OLAH: variants seen among roughly 807,000 people sequenced by gnomAD.
OLAH encodes oleoyl-ACP hydrolase.
A neutral mutation model predicts 27.8 loss-of-function variants in OLAH; 33 were observed. The observed-to-expected ratio is 1.19, with a 90% CI of 0.90 to 1.59. The LOEUF is 1.59. Ranked by LOEUF, OLAH falls within the 40% of genes most tolerant of loss-of-function variation. The pLI is 0.00. For missense variants in OLAH, 359 were observed against 310.8 expected (o/e 1.16, Z -1.17); for synonymous variants, 120 against 102.9 (o/e 1.17, Z -1.01).
At chr10:15,059,824 A>G (rs1844327502) in intron 3 of OLAH, among the ~76,000 whole-genome samples, 1 of 152,110 alleles carries the variant, frequency 6.6e-6, no homozygotes, top group South Asian at 2.1e-4. Context: ...AAATAAATAA[A>G]TAAGAAATGT....
At chr10:15,036,644 T>C (rs1843844794) in intron 1 of OLAH, among the ~76,000 whole-genome samples, 1 of 152,092 alleles carries the variant, frequency 6.6e-6, no homozygotes, top group Non-Finnish European at 1.5e-5. Flanking sequence ...TGCATACCAC[T>C]GTGCCTAATT....
intron 3 of OLAH, among the ~76,000 whole-genome samples, chr10:15,061,480 G>C (rs1392027054): frequency 7.0e-6 from 1 of 143,774 alleles, no homozygotes; most frequent in Non-Finnish European, 1.5e-5. Context: ...CAGTTCCTTT[G>C]TTTTTTTTTT....
At position 15,061,707 on chromosome 10, in the gene OLAH, T is replaced by A. The variant is rs755745032; in HGVS notation, c.164-17T>A. On this transcript the variant is annotated splice_polypyrimidine_tract_variant and intron_variant, in intron 3 of 7. Transcript: ENST00000378228. ...TTCACTGTCTGTGCGTGTTCACTTGTGTTTCTCCATCTCCAGTGCACTCCT... is the reference window on the plus strand; with the variant it reads ...TTCACTGTCTGTGCGTGTTCACTTGAGTTTCTCCATCTCCAGTGCACTCCT... 3 of 1,585,254 alleles carry A rather than the reference T, an allele frequency of 1.9e-6. No individual in the cohort carries two copies. Among genetic ancestry groups the A allele is most frequent in the South Asian group, 2.3e-5 (2 of 86,382 alleles).
At chr10:15,043,072 G>C (rs754505011), upstream of OLAH, among the ~76,000 whole-genome samples, 1 of 151,844 alleles carries the variant, frequency 6.6e-6, no homozygotes, top group South Asian at 2.1e-4. Flanking sequence ...ATGTTAGCCA[G>C]GGTGGTCTCA....
intron 3 of OLAH, among the ~76,000 whole-genome samples, chr10:15,051,000 A>G (rs142352065): frequency 6.6e-6 from 1 of 151,618 alleles, no homozygotes; most frequent in East Asian, 1.9e-4. Flanking sequence ...TCAGATTTAC[A>G]ATATGCACTT....
chr10:15,060,741 G>C (rs1290833702), intron 3 of OLAH, among the ~76,000 whole-genome samples: 2 of 151,992 alleles, frequency 1.3e-5, no homozygotes, highest in African/African-American at 2.4e-5. Context: ...TTTCTCTTCT[G>C]TTTCTTACGT....
chr10:15,069,509 GTC>G (rs1180926075), intron 6 of OLAH, among the ~76,000 whole-genome samples: 1 of 152,158 alleles, frequency 6.6e-6, no homozygotes, highest in African/African-American at 2.4e-5. Context: ...CTGTGGAGGT[GTC>G]TCTCTAGCCT....
chr10:15,044,917 G>T (rs1486259272), intron 1 of OLAH, among the ~76,000 whole-genome samples: 1 of 152,062 alleles, frequency 6.6e-6, no homozygotes, highest in Non-Finnish European at 1.5e-5. Flanking sequence ...TATTCTGCTG[G>T]ACATTTGCTG....
At chr10:15,035,060 A>C (rs1843821657) in intron 1 of OLAH, among the ~76,000 whole-genome samples, 1 of 152,224 alleles carries the variant, frequency 6.6e-6, no homozygotes, top group South Asian at 2.1e-4. Flanking sequence ...TCGGCCTCCC[A>C]AAGTGCTGGG....
intron 1 of OLAH, among the ~76,000 whole-genome samples, chr10:15,033,164 G>A (rs183120867): frequency 2.6e-5 from 4 of 151,948 alleles, no homozygotes; most frequent in Admixed American, 6.6e-5. Flanking sequence ...GGCCTGAACC[G>A]CTGCAGCCTA....
At chr10:15,045,696 T>A (rs751053137) in intron 1 of OLAH, among the ~76,000 whole-genome samples, 6 of 152,178 alleles carry the variant, frequency 3.9e-5, no homozygotes, top group Non-Finnish European at 7.3e-5. Flanking sequence ...TGGAACTGTG[T>A]TGAAAGTCAC....
chr10:15,063,419 C>G (rs1564533384), intron 4 of OLAH, among the ~76,000 whole-genome samples: 1 of 152,354 alleles, frequency 6.6e-6, no homozygotes, highest in East Asian at 1.9e-4. Flanking sequence ...ATACGAGGCA[C>G]TGCATCCAGC....
At chr10:15,038,050 C>T (rs971946407) in intron 1 of OLAH, among the ~76,000 whole-genome samples, 2 of 152,210 alleles carry the variant, frequency 1.3e-5, no homozygotes, top group Non-Finnish European at 2.9e-5. Context: ...ATTAGTGTGA[C>T]CCAGATGCAA....
chr10:15,041,625 G>C (rs369674910), upstream of OLAH, among the ~76,000 whole-genome samples: 10 of 151,956 alleles, frequency 6.6e-5, no homozygotes, highest in African/African-American at 2.4e-4. Context: ...GCCCAGGCTG[G>C]AGTGCAGTGG....
chr10:15,062,168 A>C (rs919186392), intron 4 of OLAH: 1 of 204,424 alleles, frequency 4.9e-6, no homozygotes, highest in Admixed American at 5.5e-5. Flanking sequence ...TACGTTGTAT[A>C]ATTCTGAGGT....
intron 1 of OLAH, among the ~76,000 whole-genome samples, chr10:15,036,596 C>G (rs545770760): frequency 6.6e-6 from 1 of 152,114 alleles, no homozygotes; most frequent in Non-Finnish European, 1.5e-5. Context: ...TCAAGACATC[C>G]TCCCCTCCTT....
chr10:15,032,499 T>G (rs968998225), intron 1 of OLAH: 15 of 148,284 alleles, frequency 1.0e-4, no homozygotes, highest in African/African-American at 3.7e-4. Flanking sequence ...GGAGGGCGCC[T>G]GTAGTCCCAG....
At chr10:15,071,928 C>CT in intron 7 of OLAH, 51 bp downstream of exon 7, 1 of 1,419,738 alleles carries the variant, frequency 7.0e-7, no homozygotes, top group Non-Finnish European at 9.9e-7. Flanking sequence ...TGTTTGATGG[C>CT]TTTAAAATTT....
intron 3 of OLAH, among the ~76,000 whole-genome samples, chr10:15,060,228 G>A (rs920724992): frequency 6.6e-6 from 1 of 152,030 alleles, no homozygotes; most frequent in Admixed American, 6.6e-5. Flanking sequence ...GGAGTGCAGT[G>A]GTATGATCTT....
Sources: allele counts gnomAD v4.1 joint callset (sites outside exome capture counted in the v4.1 genomes callset), GRCh38; gene constraint gnomAD v4.1.1; transcripts MANE v1.5; gene names NCBI Gene and HGNC (gene_info 2026-07-23, HGNC 2026-07-21).